Variants in EYS observed in about 807,000 individuals in gnomAD.
The protein encoded by EYS is protein eyes shut homolog.
EYS carries 250 observed loss-of-function variants against 282.1 expected under a neutral mutation model. The ratio of observed to expected loss-of-function variants is 0.89; its 90% CI spans 0.80 to 0.98. The LOEUF (loss-of-function observed/expected upper bound fraction) is 0.98. Ranked by LOEUF, EYS falls within the 50% of genes least tolerant of loss-of-function variation. The probability of loss-of-function intolerance (pLI) is 0.00; values close to 1 mark genes in which losing one functional copy is unlikely to be tolerated. For synonymous variants in EYS, 1,355 were observed against 1,282.9 expected (o/e 1.06, Z -1.20); for missense variants, 4,016 against 3,709.0 (o/e 1.08, Z -2.15).
At chr6:65,171,542 T>C (rs559937711) in intron 12 of EYS, among the ~76,000 whole-genome samples, 57 of 151,108 alleles carry the variant, frequency 3.8e-4, no homozygotes, top group Non-Finnish European at 6.5e-4. Context: ...TTTGTGTATA[T>C]GTGGTAAAAC....
chr6:63,843,724 C>T lies in EYS; in HGVS notation c.7228+20462G>A, dbSNP rs144803561. Among the ~76,000 whole-genome samples, 81 of 152,198 alleles carry T rather than the reference C, an allele frequency of 5.3e-4. No individual in the cohort carries two copies. In the South Asian group the frequency reaches 0.011, roughly 21 times the overall value. On this transcript the variant is annotated intron_variant, in intron 36 of 42. Transcript: ENST00000503581. The stretch of plus-strand genomic sequence containing the variant: ...GGATGCCCTCTCTATTCCTATTCAA[C>T]GTAGTATTGGAAGTTCTGGCAAGGG...
intron 26 of EYS, among the ~76,000 whole-genome samples, chr6:64,465,250 G>GA (rs888197594): frequency 1.2e-4 from 18 of 151,036 alleles, no homozygotes; most frequent in Non-Finnish European, 2.2e-4. Flanking sequence ...AACAAAAATA[G>GA]AAAAAAAAAT....
intron 12 of EYS, among the ~76,000 whole-genome samples, chr6:65,293,181 C>T (rs1233792003): frequency 9.3e-5 from 14 of 150,994 alleles, no homozygotes. Flanking sequence ...GATAAACTTG[C>T]ATGGTCTTAT....
chr6:63,852,271 T>C (rs1198884328), intron 36 of EYS, among the ~76,000 whole-genome samples: 1 of 142,208 alleles, frequency 7.0e-6, no homozygotes, highest in Non-Finnish European at 1.5e-5. Context: ...GAATCAAATA[T>C]ACACAATAAA....
chr6:65,187,332 C>G (rs1409738774), intron 12 of EYS, among the ~76,000 whole-genome samples: 1 of 151,616 alleles, frequency 6.6e-6, no homozygotes, highest in African/African-American at 2.4e-5. Context: ...GTTAATTTAA[C>G]AATTTCTAGA....
chr6:64,197,903 A>C (rs1765340619), intron 31 of EYS, among the ~76,000 whole-genome samples: 1 of 151,596 alleles, frequency 6.6e-6, no homozygotes. Flanking sequence ...ATATACATTG[A>C]CTCTAATGAC....
At chr6:64,817,517 T>C (rs1187923223) in intron 21 of EYS, among the ~76,000 whole-genome samples, 1 of 152,176 alleles carries the variant, frequency 6.6e-6, no homozygotes, top group African/African-American at 2.4e-5. Context: ...ATGCAGGGGA[T>C]ACATGTGCAG....
intron 11 of EYS, among the ~76,000 whole-genome samples, chr6:65,334,217 T>C (rs901142962): frequency 1.3e-5 from 2 of 151,824 alleles, no homozygotes; most frequent in Admixed American, 6.6e-5. Flanking sequence ...ATTCTAATAC[T>C]AGTTTCTTTT....
At chr6:64,896,545 GTTTTTTTT>G (rs796873824) in intron 18 of EYS, among the ~76,000 whole-genome samples, 1 of 85,244 alleles carries the variant, frequency 1.2e-5, no homozygotes, top group Non-Finnish European at 2.8e-5. Flanking sequence ...AGGAGTTGTT[GTTTTTTTT>G]TTTTTTTTTT....
intron 30 of EYS, among the ~76,000 whole-genome samples, chr6:64,304,866 A>G (rs1769378069): frequency 6.6e-6 from 1 of 152,230 alleles, no homozygotes; most frequent in Non-Finnish European, 1.5e-5. Flanking sequence ...AGATGCAGTG[A>G]AAGCAGTGGT....
intron 26 of EYS, among the ~76,000 whole-genome samples, chr6:64,495,313 C>T (rs956502616): frequency 2.0e-5 from 3 of 151,678 alleles, no homozygotes; most frequent in Non-Finnish European, 2.9e-5. Flanking sequence ...TTGTTATATA[C>T]GCTTTTTAGT....
At chr6:64,896,373 C>G (rs146721142) in intron 18 of EYS, among the ~76,000 whole-genome samples, 1 of 151,994 alleles carries the variant, frequency 6.6e-6, no homozygotes, top group Non-Finnish European at 1.5e-5. Context: ...CCCAGAGGGA[C>G]CTTGCTGTGA....
At chr6:64,316,332 C>G (rs916677493) in intron 29 of EYS, among the ~76,000 whole-genome samples, 5 of 152,110 alleles carry the variant, frequency 3.3e-5, no homozygotes, top group African/African-American at 1.2e-4. Context: ...CGTCTCAGCC[C>G]AAAATCTCCA....
At chr6:64,159,953 A>G (rs1775054330) in intron 31 of EYS, among the ~76,000 whole-genome samples, 1 of 152,250 alleles carries the variant, frequency 6.6e-6, no homozygotes, top group African/African-American at 2.4e-5. Context: ...GACCAAAAAA[A>G]GTATATAAAG....
At chr6:65,512,256 G>A (rs551920373) in intron 2 of EYS, among the ~76,000 whole-genome samples, 6 of 152,048 alleles carry the variant, frequency 3.9e-5, no homozygotes, top group African/African-American at 1.4e-4. Flanking sequence ...ACTTTGGGAG[G>A]CCAAGGCAGG....
intron 12 of EYS, among the ~76,000 whole-genome samples, chr6:65,086,027 C>T (rs867700956): frequency 3.6e-5 from 5 of 137,580 alleles, no homozygotes; most frequent in African/African-American, 1.2e-4. Flanking sequence ...ACCTTCTCCT[C>T]TTTTTTTTTT....
chr6:63,860,306 T>C (rs570565876), intron 36 of EYS, among the ~76,000 whole-genome samples: 32 of 152,294 alleles, frequency 2.1e-4, no homozygotes, highest in Non-Finnish European at 4.3e-4. Context: ...AATATTGATA[T>C]GTGATGGAAT....
At chr6:65,115,563 A>T (rs1273484702) in intron 12 of EYS, among the ~76,000 whole-genome samples, 1 of 152,118 alleles carries the variant, frequency 6.6e-6, no homozygotes, top group African/African-American at 2.4e-5. Context: ...TATATATTAC[A>T]TCTTATCTTT....
intron 26 of EYS, among the ~76,000 whole-genome samples, chr6:64,552,001 T>A (rs528278772): frequency 5.9e-5 from 9 of 152,090 alleles, no homozygotes; most frequent in African/African-American, 2.2e-4. Context: ...AACTCCTGAC[T>A]TCACGTGATT....
Sources: allele counts gnomAD v4.1 joint callset (sites outside exome capture counted in the v4.1 genomes callset), GRCh38; gene constraint gnomAD v4.1.1; transcripts MANE v1.5; gene names NCBI Gene and HGNC (gene_info 2026-07-23, HGNC 2026-07-21).